The following PTCH1 variants were observed in gnomAD, a reference collection of about 807,000 sequenced individuals.
The protein encoded by PTCH1 is protein patched homolog 1.
Under a neutral mutation model 144.6 loss-of-function variants are expected in PTCH1, and 14 were observed. That is an observed-to-expected ratio of 0.10 (90% confidence interval 0.06 to 0.15). The LOEUF (loss-of-function observed/expected upper bound fraction) is 0.15, where lower values mean the gene tolerates loss of function less well. Among genes scored for constraint, PTCH1 ranks in the 10% least tolerant of loss-of-function variants. The pLI is 1.00. For synonymous variants in PTCH1, 833 were observed against 793.6 expected (o/e 1.05, Z -0.83); for missense variants, 1,623 against 1,948.3 (o/e 0.83, Z 3.14).
rs1288158437 is a variant in PTCH1, at chr9:95,482,220, C to G, written c.585-17G>C. ...TTCCACTGCCTAATAAAATGAAAAG[C>G]AGAGACAAAAATTTCTCACTGTAAT... is the stretch of plus-strand genomic sequence containing the variant. On this transcript the variant is annotated splice_polypyrimidine_tract_variant and intron_variant, in intron 3 of 23. Coordinates refer to ENST00000331920, the MANE Select transcript of PTCH1 (RefSeq NM_000264.5). The G allele has an allele frequency of 1.9e-6, 3 of 1,611,520 alleles. No individual in the cohort carries two copies.
At chr9:95,460,457 T>C (rs992979128) in intron 16 of PTCH1, among the ~76,000 whole-genome samples, 3 of 152,174 alleles carry the variant, frequency 2.0e-5, no homozygotes, top group African/African-American at 7.2e-5. Flanking sequence ...GGACTCAGTA[T>C]GTGTTTGTAC....
intron 8 of PTCH1, among the ~76,000 whole-genome samples, chr9:95,478,417 GGCTGGTGTC>G (rs2118348770): frequency 6.6e-6 from 1 of 152,266 alleles, no homozygotes; most frequent in African/African-American, 2.4e-5. Context: ...TGCTGCTGAG[GGCTGGTGTC>G]GCTGGAGTTC....
rs2118063354 is a variant in PTCH1, at chr9:95,469,163, G to A, written c.1848-10C>T. On this transcript the variant is annotated splice_polypyrimidine_tract_variant and intron_variant, in intron 13 of 23. Transcript: ENST00000331920. ...TCTGCTGACGCAGGGGCTGAAAGGAGGGGAAACATGTTGCAATGTTATGCT... is the reference window on the plus strand; with the variant it reads ...TCTGCTGACGCAGGGGCTGAAAGGAAGGGAAACATGTTGCAATGTTATGCT... 6.2e-7 allele frequency: 1 copy of A among 1,614,076 alleles called. No individual in the cohort carries two copies. The highest frequency in any genetic ancestry group is 8.5e-7 in the Non-Finnish European group (1 of 1,180,028).
At chr9:95,496,933 T>C (rs1185884083) in intron 2 of PTCH1, among the ~76,000 whole-genome samples, 1 of 148,782 alleles carries the variant, frequency 6.7e-6, no homozygotes, top group African/African-American at 2.5e-5. Flanking sequence ...GGAGTGGGGG[T>C]GGGAATGTGG....
chr9:95,449,509 G>C lies in PTCH1; in HGVS notation c.3550-186C>G. 1.2e-6 allele frequency: 1 copy of C among 800,858 alleles called. No homozygotes were observed. Among genetic ancestry groups the C allele is most frequent in the Non-Finnish European group, 2.0e-6 (1 of 497,670 alleles). The allele number at this position is 800,858 out of a possible 1,614,324, so 49.6% of individuals were successfully genotyped here. ...TTCAGGTCCCGCAGCTGGAGCAGAA[G>C]AACTGTCCTCTGCTCCACACTGGAA... On this transcript the variant is annotated intron_variant, in intron 21 of 23. Transcript: ENST00000331920. The surrounding 1 kb of genome is among the most constrained non-coding windows in gnomAD (Gnocchi z 5.3).
chr9:95,510,833 C>T (rs895175407), upstream of PTCH1, among the ~76,000 whole-genome samples: 2 of 151,416 alleles, frequency 1.3e-5, no homozygotes, highest in South Asian at 2.1e-4. Context: ...CACGTGACCC[C>T]GCGCCAGGAG....
In PTCH1 at chr9:95,459,795, G is replaced by A; in HGVS notation, c.2704-12C>T. 6.2e-7 allele frequency: 1 copy of A among 1,613,810 alleles called. No homozygotes were observed. On this transcript the variant is annotated splice_polypyrimidine_tract_variant and intron_variant, in intron 16 of 23. Coordinates refer to ENST00000331920, the MANE Select transcript of PTCH1 (RefSeq NM_000264.5). ...CGCTGTTTAGTCAACTACAAAAACG[G>A]GAAGAACAGAGGCCTTTGAGAATGG...
chr9:95,483,256 C>T (rs1430532309), intron 3 of PTCH1: 2 of 148,628 alleles, frequency 1.3e-5, no homozygotes, highest in African/African-American at 2.5e-5. Flanking sequence ...AAGCAAGACC[C>T]TATCTCTCAA....
rs536111739 is a variant in PTCH1 at position 95,490,519 on chromosome 9, T to TCACACACACACACA, written c.395-4646_395-4645insTGTGTGTGTGTGTG. 3.5e-3 allele frequency among the ~76,000 whole-genome samples: 416 copies of TCACACACACACACA among 119,900 alleles called. 4 individuals carry two copies. The highest frequency in any genetic ancestry group is 0.013 in the African/African-American group (377 of 29,630). 78.7% of individuals were successfully genotyped at this position (119,900 alleles called of 152,430 possible). A position where few individuals can be genotyped will look rare whatever the true frequency, so the allele number is the denominator to read the frequency against. ...ACCCAGAAAAACAAAACCTTCTATGTGACACACACACACACACACACACAC... is the reference window on the plus strand; with the variant it reads ...ACCCAGAAAAACAAAACCTTCTATGTCACACACACACACAGACACACACACACACACACACACAC... On this transcript the variant is annotated intron_variant, in intron 2 of 23. Coordinates refer to ENST00000331920, the MANE Select transcript of PTCH1 (RefSeq NM_000264.5).
In PTCH1 at chr9:95,458,206, T is replaced by C. The variant is rs767250750; in HGVS notation, c.2975A>G (p.Glu992Gly). ...GTTGCTGCAGATGGTCCTTACTTTT[T>C]CAATTGCCTCCACAAAGTCTGAGGT... is the stretch of plus-strand genomic sequence containing the variant. ...RDTSDFVEAI[E>G]KVRTICSNYT... Residue 992 changes from glutamate (E) to glycine (G), a missense_variant, in exon 18 of 24, where the codon GAA (glutamate) becomes GGA (glycine). Physicochemically the swap from Glu to Gly is moderately conservative, Grantham distance 98 (BLOSUM62 -2). This residue lies in a region of PTCH1 where 504 missense variants were observed against 679.3 expected (regional missense o/e 0.74). Transcript: ENST00000331920. This position sits in a 1 kb window ranked among gnomAD's most constrained non-coding sequence, Gnocchi z 4.7. The C allele has an allele frequency of 2.5e-6, 4 of 1,614,102 alleles. No homozygotes were observed. In the South Asian group the frequency reaches 4.4e-5, roughly 18 times the overall value.
At chr9:95,455,810 C>T (rs1838867330) in intron 19 of PTCH1, among the ~76,000 whole-genome samples, 1 of 152,190 alleles carries the variant, frequency 6.6e-6, no homozygotes, top group South Asian at 2.1e-4. Flanking sequence ...ACTTCCTTGG[C>T]TGCCAGCTCA....
At chr9:95,474,794 A>G (rs1419362253) in intron 12 of PTCH1, among the ~76,000 whole-genome samples, 1 of 152,242 alleles carries the variant, frequency 6.6e-6, no homozygotes, top group African/African-American at 2.4e-5. Context: ...AAATATAAAC[A>G]GAAACCAGAT....
At position 95,447,014 on chromosome 9, in the gene PTCH1, C is replaced by T. The variant is rs1390378010; in HGVS notation, c.4242G>A (p.Val1414=). The part of the protein sequence containing the change: ...TDHGLFEDPH[V]PFHVRCERRD... ...TCCTCTCACACCGGACGTGGAAAGG[C>T]ACGTGGGGGTCCTCAAACAGGCCGT... Residue 1414 remains valine (V), a synonymous_variant, in exon 23 of 24, where the codon GTG becomes GTA. Coordinates refer to ENST00000331920, the MANE Select transcript of PTCH1 (RefSeq NM_000264.5). 1.9e-6 allele frequency: 3 copies of T among 1,614,056 alleles called. No individual in the cohort carries two copies. The highest frequency in any genetic ancestry group is 1.3e-5 in the African/African-American group (1 of 74,926).
chr9:95,509,236 G>A lies in PTCH1; in HGVS notation c.-875C>T, dbSNP rs950699964. On this transcript the variant is annotated 5_prime_UTR_variant, in exon 1 of 24. Coordinates refer to ENST00000331920, the MANE Select transcript of PTCH1 (RefSeq NM_000264.5). The stretch of plus-strand genomic sequence containing the variant: ...AAAAAAAGAACTCTCTCCATTTGGA[G>A]AAAGAAGAGGAGGAGGGGAGGGGAG... Among the ~76,000 whole-genome samples the A allele has an allele frequency of 1.5e-5, 2 of 130,940 alleles. No homozygotes were observed. The highest frequency in any genetic ancestry group is 3.2e-5 in the Non-Finnish European group (2 of 63,458). 85.9% of individuals were successfully genotyped at this position (130,940 alleles called of 152,430 possible).
At chr9:95,498,918 T>A (rs1842962273) in intron 2 of PTCH1, among the ~76,000 whole-genome samples, 2 of 152,158 alleles carry the variant, frequency 1.3e-5, no homozygotes, top group Non-Finnish European at 2.9e-5. Context: ...TCGGCCAAAA[T>A]CTGGATAAGG....
chr9:95,516,958 T>G (rs920768931), exon 1 of PTCH1: 2 of 648,806 alleles, frequency 3.1e-6, no homozygotes, highest in African/African-American at 3.8e-5. Flanking sequence ...AGCACAGCCC[T>G]CCTGGGTAAA....
rs1227757684 is a variant in PTCH1 at position 95,509,237 on chromosome 9, A to AAAG, written c.-879_-877dup. On this transcript the variant is annotated 5_prime_UTR_variant, in exon 1 of 24. Transcript: ENST00000331920. ...AAAAAAGAACTCTCTCCATTTGGAG[A>AAAG]AAGAAGAGGAGGAGGGGAGGGGAGG... Among the ~76,000 whole-genome samples the AAAG allele has an allele frequency of 2.0e-5, 3 of 151,332 alleles. No homozygotes were observed. In the South Asian group the frequency reaches 6.4e-4, roughly 32 times the overall value.
intron 10 of PTCH1, among the ~76,000 whole-genome samples, 187 bp downstream of exon 10, chr9:95,477,360 C>T (rs755319820): frequency 2.0e-5 from 3 of 152,214 alleles, no homozygotes; most frequent in Non-Finnish European, 4.4e-5. Context: ...AGACTTCCTA[C>T]CCACTTCCCT....
At chr9:95,461,624 C>A (rs574114226) in intron 16 of PTCH1, among the ~76,000 whole-genome samples, 1 of 152,230 alleles carries the variant, frequency 6.6e-6, no homozygotes, top group African/African-American at 2.4e-5. Context: ...GGTAGGAACA[C>A]GCCTGTCCCA....
Sources: allele counts gnomAD v4.1 joint callset (sites outside exome capture counted in the v4.1 genomes callset), GRCh38; gene constraint gnomAD v4.1.1; regional missense constraint gnomAD v4.1.1; non-coding constraint Gnocchi (gnomAD v3.1); transcripts MANE v1.5; gene names NCBI Gene and HGNC (gene_info 2026-07-23, HGNC 2026-07-21).